The following POC1B variants were observed in gnomAD, a reference collection of about 807,000 sequenced individuals.
The protein encoded by POC1B is POC1 centriolar protein homolog B.
POC1B carries 44 observed loss-of-function variants against 60.6 expected under a neutral mutation model. The observed-to-expected ratio is 0.73, with a 90% CI of 0.57 to 0.93. The LOEUF (loss-of-function observed/expected upper bound fraction) is 0.93. Among genes scored for constraint, POC1B ranks in the 40% least tolerant of loss-of-function variants. POC1B has a pLI of 0.00. For synonymous variants in POC1B, 180 were observed against 198.9 expected, an observed-to-expected ratio of 0.90 and a Z score of 0.80; for missense variants, 555 against 572.3, an observed-to-expected ratio of 0.97 and a Z score of 0.31.
intron 5 of POC1B, 25 bp from the exon 6 acceptor site, chr12:89,471,754 T>G: frequency 8.5e-7 from 1 of 1,182,428 alleles, no homozygotes; most frequent in Non-Finnish European, 1.2e-6. Context: ...TAAGATGACC[T>G]AATATTTCAA....
At chr12:89,412,216 G>C in the POC1B span, among the ~76,000 whole-genome samples, 1 of 152,138 alleles carries the variant, frequency 6.6e-6, no homozygotes, top group East Asian at 1.9e-4. Flanking sequence ...ACAAATCCTT[G>C]CCCTGCTGAG....
At chr12:89,512,709 G>A (rs1870246437) in intron 2 of POC1B, among the ~76,000 whole-genome samples, 1 of 152,178 alleles carries the variant, frequency 6.6e-6, no homozygotes, top group Non-Finnish European at 1.5e-5. Flanking sequence ...GCAGTGTGCT[G>A]TAACTGCATC....
chr12:89,500,064 C>T (rs1869473289), intron 2 of POC1B: 2 of 1,279,686 alleles, frequency 1.6e-6, no homozygotes, highest in Non-Finnish European at 1.1e-6. Flanking sequence ...CCACCTCAGA[C>T]ACCTGCGCTG....
At chr12:89,402,748 T>C in the POC1B span, among the ~76,000 whole-genome samples, 1 of 152,202 alleles carries the variant, frequency 6.6e-6, no homozygotes, top group Non-Finnish European at 1.5e-5. Flanking sequence ...ATACATACTT[T>C]CTTTTTTTTG....
At chr12:89,433,340 G>A (rs1051995842) in intron 10 of POC1B, among the ~76,000 whole-genome samples, 1 of 152,142 alleles carries the variant, frequency 6.6e-6, no homozygotes, top group Non-Finnish European at 1.5e-5. Flanking sequence ...AGAGTGAGGG[G>A]ATAACTACTC....
At chr12:89,429,536 T>C (rs1363452797) in intron 10 of POC1B, 3 of 152,192 alleles carry the variant, frequency 2.0e-5, no homozygotes, top group Non-Finnish European at 4.4e-5. Flanking sequence ...ATTGAGATAC[T>C]CTCCTATTTC....
intron 10 of POC1B, among the ~76,000 whole-genome samples, chr12:89,440,085 C>A (rs1294168217): frequency 2.0e-5 from 3 of 152,180 alleles, no homozygotes. Flanking sequence ...TAGTGTCCGA[C>A]ACGTTCATTT....
At position 89,525,986 on chromosome 12, in the gene POC1B, C is replaced by G. The variant is rs943647660; in HGVS notation, c.-91G>C. ...GGGAAGGAGAGGGGACCGTGCGGCT[C>G]CCGGAACCGTCTGCCCAGAGCGGCA... is the stretch of plus-strand genomic sequence containing the variant. On this transcript the variant is annotated 5_prime_UTR_variant, in exon 1 of 12. Transcript: ENST00000313546. 1.5e-5 allele frequency: 23 copies of G among 1,543,834 alleles called. No homozygotes were observed. In the African/African-American group the frequency reaches 2.5e-4, roughly 17 times the overall value.
At chr12:89,504,051 C>T (rs1240888196) in intron 2 of POC1B, among the ~76,000 whole-genome samples, 2 of 152,212 alleles carry the variant, frequency 1.3e-5, no homozygotes, top group African/African-American at 4.8e-5. Context: ...GCCCGGCCGC[C>T]CCTTCTGGGA....
In POC1B at chr12:89,463,510, G is replaced by T. The variant is rs542807602; in HGVS notation, c.1032+3260C>A. Reference sequence around the variant, plus strand: ...ATCCAACTCATGACAGTCTGAAGAAGATAAAGTCAGCATGAACTAGTGATG... The same window carrying T: ...ATCCAACTCATGACAGTCTGAAGAATATAAAGTCAGCATGAACTAGTGATG... On this transcript the variant is annotated intron_variant, in intron 9 of 11. Coordinates refer to ENST00000313546, the MANE Select transcript of POC1B (RefSeq NM_172240.3). 8.5e-5 allele frequency among the ~76,000 whole-genome samples: 13 copies of T among 152,290 alleles called. 1 individual carries two copies. The South Asian group carries it at 2.3e-3, about 27-fold the overall frequency.
At chr12:89,514,725 G>C (rs762992630) in intron 2 of POC1B, among the ~76,000 whole-genome samples, 2 of 151,766 alleles carry the variant, frequency 1.3e-5, no homozygotes, top group Non-Finnish European at 2.9e-5. Flanking sequence ...TTTCTTTATT[G>C]CAGTAGGAGA....
At chr12:89,524,250 G>A (rs1174117687) in intron 2 of POC1B, 4 of 1,613,956 alleles carry the variant, frequency 2.5e-6, no homozygotes, top group Non-Finnish European at 1.7e-6. Flanking sequence ...TATTGATGGC[G>A]TATCTCTCAA....
chr12:89,438,116 A>G (rs1196215409), intron 10 of POC1B, among the ~76,000 whole-genome samples: 6 of 151,226 alleles, frequency 4.0e-5, no homozygotes, highest in African/African-American at 1.5e-4. Flanking sequence ...CCCTCTACTC[A>G]CTTTTCTACT....
chr12:89,493,364 A>G (rs1291731399), intron 3 of POC1B, among the ~76,000 whole-genome samples: 2 of 152,244 alleles, frequency 1.3e-5, no homozygotes, highest in Non-Finnish European at 2.9e-5. Flanking sequence ...TATGTCAAGC[A>G]CATAAAAAGA....
intron 10 of POC1B, among the ~76,000 whole-genome samples, chr12:89,437,119 C>T (rs769192966): frequency 1.3e-4 from 20 of 152,320 alleles, no homozygotes; most frequent in Admixed American, 6.5e-4. Context: ...CTACAGCACT[C>T]GATCAGACAG....
chr12:89,510,085 G>A (rs1208674227), intron 2 of POC1B, among the ~76,000 whole-genome samples: 1 of 152,164 alleles, frequency 6.6e-6, no homozygotes, highest in Non-Finnish European at 1.5e-5. Context: ...CTGGCCTCAA[G>A]TGATCTACCT....
At chr12:89,486,833 T>C (rs1426149005) in intron 4 of POC1B, among the ~76,000 whole-genome samples, 3 of 152,098 alleles carry the variant, frequency 2.0e-5, no homozygotes, top group African/African-American at 7.2e-5. Context: ...ATGGAAAGCA[T>C]CTTTTTTAGG....
At chr12:89,441,774 G>C (rs1881532897) in intron 10 of POC1B, among the ~76,000 whole-genome samples, 1 of 152,222 alleles carries the variant, frequency 6.6e-6, no homozygotes, top group Non-Finnish European at 1.5e-5. Flanking sequence ...GAATGACTTT[G>C]ACAAGTTGAG....
At position 89,464,164 on chromosome 12, in the gene POC1B, G is replaced by C. The variant is rs190168372; in HGVS notation, c.1032+2606C>G. On this transcript the variant is annotated intron_variant, in intron 9 of 11. Transcript: ENST00000313546. ...AATCCTAATACTGACCTCAAAAAAA[G>C]ATTTCTTAGTTTTAAAATATTTCCC... 3.3e-5 allele frequency among the ~76,000 whole-genome samples: 5 copies of C among 151,980 alleles called. No individual in the cohort carries two copies. In the East Asian group the frequency reaches 9.6e-4, roughly 29 times the overall value.
Sources: allele counts gnomAD v4.1 joint callset (sites outside exome capture counted in the v4.1 genomes callset), GRCh38; gene constraint gnomAD v4.1.1; transcripts MANE v1.5; gene names NCBI Gene and HGNC (gene_info 2026-07-23, HGNC 2026-07-21).